Variants in NRG1 observed in about 807,000 individuals in gnomAD.
NRG1 encodes neuregulin 1, also known as pro-neuregulin-1, membrane-bound isoform.
NRG1 carries 18 observed loss-of-function variants against 63.8 expected under a neutral mutation model. The ratio of observed to expected loss-of-function variants is 0.28; its 90% confidence interval spans 0.19 to 0.42. The LOEUF (loss-of-function observed/expected upper bound fraction) is 0.42. NRG1 is among the 10% of genes least tolerant of loss of function. NRG1 has a pLI of 1.00. For synonymous variants in NRG1, 302 were observed against 301.3 expected, an observed-to-expected ratio of 1.00 and a Z score of -0.02; for missense variants, 762 against 814.7, an observed-to-expected ratio of 0.94 and a Z score of 0.79.
chr8:32,587,342 T>A (rs1022390149), intron 1 of NRG1, among the ~76,000 whole-genome samples: 2 of 152,126 alleles, frequency 1.3e-5, no homozygotes, highest in African/African-American at 4.8e-5. Flanking sequence ...ATGACCAGGG[T>A]CTCGGCTGAG....
At chr8:32,397,711 T>C (rs1027170710) in intron 1 of NRG1, among the ~76,000 whole-genome samples, 6 of 152,302 alleles carry the variant, frequency 3.9e-5, no homozygotes, top group African/African-American at 1.4e-4. Context: ...TTGGTTACCA[T>C]GTGTATTCCG....
intron 1 of NRG1, among the ~76,000 whole-genome samples, chr8:32,046,976 A>T (rs764032392): frequency 1.8e-4 from 27 of 152,148 alleles, no homozygotes; most frequent in Non-Finnish European, 2.9e-4. Flanking sequence ...TTGCTTTTAG[A>T]TTATCCTCTA....
At chr8:31,952,864 A>G (rs1934088316) in intron 1 of NRG1, among the ~76,000 whole-genome samples, 1 of 152,232 alleles carries the variant, frequency 6.6e-6, no homozygotes, top group South Asian at 2.1e-4. Flanking sequence ...TTGTTGATTC[A>G]TAAAGTCATG....
At chr8:31,861,461 C>T (rs1463853529) in intron 1 of NRG1, among the ~76,000 whole-genome samples, 1 of 151,924 alleles carries the variant, frequency 6.6e-6, no homozygotes, top group Non-Finnish European at 1.5e-5. Context: ...AACTTAAACT[C>T]ATTGTATATG....
chr8:32,151,936 G>A (rs1837543941), intron 1 of NRG1, among the ~76,000 whole-genome samples: 1 of 152,154 alleles, frequency 6.6e-6, no homozygotes, highest in African/African-American at 2.4e-5. Flanking sequence ...GAAAGAGAGA[G>A]AGAGAAAAAT....
chr8:32,448,855 T>G (rs1178581613), intron 1 of NRG1, among the ~76,000 whole-genome samples: 1 of 152,112 alleles, frequency 6.6e-6, no homozygotes, highest in Non-Finnish European at 1.5e-5. Flanking sequence ...TTCTTAAAGG[T>G]CATCATCATG....
intron 1 of NRG1, among the ~76,000 whole-genome samples, chr8:31,795,672 A>AT (rs60756372): frequency 0.16 from 23,868 of 151,334 alleles, 2,162 homozygotes; most frequent in East Asian, 0.2. Flanking sequence ...AGGTCAGCCC[A>AT]TTTTTTTTTG....
rs1829110617 is a variant in NRG1 at position 31,867,952 on chromosome 8, T to C, written c.37+228521T>C. On this transcript the variant is annotated intron_variant, in intron 1 of 10. Transcript: ENST00000519301. ...GCCAACTGTATTGGACCAACTGCTC[T>C]TGAACTCTCTAAGTACAATTGGTTT... 2.0e-5 allele frequency among the ~76,000 whole-genome samples: 3 copies of C among 152,192 alleles called. No homozygotes were observed. In the South Asian group the frequency reaches 6.2e-4, roughly 31 times the overall value.
At chr8:32,612,391 C>A (rs2129541250) in intron 3 of NRG1, among the ~76,000 whole-genome samples, 1 of 152,112 alleles carries the variant, frequency 6.6e-6, no homozygotes, top group African/African-American at 2.4e-5. Context: ...ATGAAGACTC[C>A]TTTGGTGTAG....
intron 1 of NRG1, among the ~76,000 whole-genome samples, chr8:32,476,007 G>C (rs1305213018): frequency 6.6e-6 from 1 of 152,138 alleles, no homozygotes; most frequent in Non-Finnish European, 1.5e-5. Flanking sequence ...TCTTGCCGAA[G>C]AGTAGTAAAA....
intron 5 of NRG1, among the ~76,000 whole-genome samples, chr8:32,622,010 G>A (rs141641496): frequency 0.011 from 1,653 of 152,328 alleles, 19 homozygotes; most frequent in Admixed American, 0.016. Flanking sequence ...TCTGGGGCCA[G>A]TTGTACCCAA....
intron 1 of NRG1, among the ~76,000 whole-genome samples, chr8:32,266,432 C>G (rs1429121502): frequency 6.6e-6 from 1 of 152,080 alleles, no homozygotes; most frequent in East Asian, 1.9e-4. Context: ...GGACCAAGCC[C>G]ATTGTGTTGT....
At chr8:32,432,335 C>A (rs539049512) in intron 1 of NRG1, among the ~76,000 whole-genome samples, 21 of 152,224 alleles carry the variant, frequency 1.4e-4, no homozygotes, top group African/African-American at 4.6e-4. Context: ...AACCTCTCAA[C>A]TCCCTATAAA....
At chr8:32,465,470 A>T (rs545650980) in intron 1 of NRG1, among the ~76,000 whole-genome samples, 4 of 152,288 alleles carry the variant, frequency 2.6e-5, no homozygotes, top group Admixed American at 2.6e-4. Flanking sequence ...TAGTTTTTGG[A>T]TATTCATGGT....
chr8:31,820,808 A>G lies in NRG1; in HGVS notation c.37+181377A>G, dbSNP rs138456571. On this transcript the variant is annotated intron_variant, in intron 1 of 10. Coordinates refer to the NRG1 transcript ENST00000519301. ...TTTAATGTTTTGTATACTTTATCTT[A>G]CAAAATAGATTCCAATTCATGCTGT... Among the ~76,000 whole-genome samples, 3 of 152,338 alleles carry G rather than the reference A, an allele frequency of 2.0e-5. No individual in the cohort carries two copies. The East Asian group carries it at 5.8e-4, about 29-fold the overall frequency.
chr8:32,560,767 A>G (rs1300243181), intron 1 of NRG1, among the ~76,000 whole-genome samples: 1 of 152,228 alleles, frequency 6.6e-6, no homozygotes, highest in Non-Finnish European at 1.5e-5. Context: ...TCTTGCTACC[A>G]TTAAAATATT....
intron 5 of NRG1, among the ~76,000 whole-genome samples, chr8:32,722,550 G>A (rs1301575967): frequency 6.6e-6 from 1 of 152,098 alleles, no homozygotes; most frequent in Non-Finnish European, 1.5e-5. Flanking sequence ...TTTATTCTGA[G>A]TATTTACAAA....
In NRG1 at chr8:31,817,760, C is replaced by T. The variant is rs368773747; in HGVS notation, c.37+178329C>T. Among the ~76,000 whole-genome samples the T allele has an allele frequency of 4.6e-5, 7 of 152,184 alleles. No individual in the cohort carries two copies. The South Asian group carries it at 6.2e-4, about 14-fold the overall frequency. On this transcript the variant is annotated intron_variant, in intron 1 of 10. Transcript: ENST00000519301. ...AACAAAAGTTGTTCATTTTAACTTG[C>T]GTTATATGGAAATGTGACATGTTTT...
At chr8:32,603,774 C>T (rs981257460) in intron 2 of NRG1, among the ~76,000 whole-genome samples, 1 of 152,150 alleles carries the variant, frequency 6.6e-6, no homozygotes, top group East Asian at 1.9e-4. Context: ...TGCTCCCAGC[C>T]GTGAAGTTAA....
Sources: allele counts gnomAD v4.1 joint callset (sites outside exome capture counted in the v4.1 genomes callset), GRCh38; gene constraint gnomAD v4.1.1; transcripts MANE v1.5; gene names NCBI Gene and HGNC (gene_info 2026-07-23, HGNC 2026-07-21).